Variants in HECW2 observed in about 807,000 individuals in gnomAD.
HECW2 encodes HECT, C2 and WW domain containing E3 ubiquitin protein ligase 2.
HECW2 carries 61 observed loss-of-function variants against 175.2 expected under a neutral mutation model. That is an observed-to-expected ratio of 0.35 (90% CI 0.28 to 0.43). The LOEUF is 0.43. HECW2 is among the 20% of genes least tolerant of loss of function. The pLI is 1.00. For synonymous variants in HECW2, 671 were observed against 731.0 expected, an observed-to-expected ratio of 0.92 and a Z score of 1.32; for missense variants, 1,524 against 2,000.5, an observed-to-expected ratio of 0.76 and a Z score of 4.54.
At chr2:196,412,301 T>C (rs903763078) in intron 2 of HECW2, among the ~76,000 whole-genome samples, 1 of 152,228 alleles carries the variant, frequency 6.6e-6, no homozygotes, top group African/African-American at 2.4e-5. Context: ...ACCGTCTTCA[T>C]GTCACATGCT....
chr2:196,416,095 AAATATTTT>A (rs1275830937), intron 2 of HECW2, among the ~76,000 whole-genome samples: 1 of 152,250 alleles, frequency 6.6e-6, no homozygotes, highest in Non-Finnish European at 1.5e-5. Context: ...AATTATGCTG[AAATATTTT>A]AGCTTATAGA....
chr2:196,452,328 C>T (rs1696372685), intron 1 of HECW2, among the ~76,000 whole-genome samples: 1 of 152,104 alleles, frequency 6.6e-6, no homozygotes, highest in Non-Finnish European at 1.5e-5. Flanking sequence ...ATAATACATA[C>T]TATTAAAATT....
At chr2:196,481,700 T>C (rs576038170) in intron 1 of HECW2, among the ~76,000 whole-genome samples, 100 of 152,280 alleles carry the variant, frequency 6.6e-4, no homozygotes, top group African/African-American at 2.3e-3. Flanking sequence ...AAAATAACTA[T>C]CACAAGAATC....
chr2:196,436,379 C>A lies in HECW2; in HGVS notation c.-35-2921G>T, dbSNP rs148428622. On this transcript the variant is annotated intron_variant, in intron 1 of 28. Coordinates refer to ENST00000644978, the MANE Select transcript of HECW2 (RefSeq NM_001348768.2). ...TTGCACCACTGGACTCCAGTCTGGG[C>A]GACAGAGCGAGACTCCATCTCAAAA... Among the ~76,000 whole-genome samples, 58 of 130,738 alleles carry A rather than the reference C, an allele frequency of 4.4e-4. 1 individual carries two copies. The highest frequency in any genetic ancestry group is 1.5e-3 in the African/African-American group (52 of 34,368). The allele number at this position is 130,738 out of a possible 152,430, so 85.8% of individuals were successfully genotyped here.
chr2:196,367,369 T>C (rs1356223166), intron 2 of HECW2, among the ~76,000 whole-genome samples: 1 of 152,200 alleles, frequency 6.6e-6, no homozygotes, highest in African/African-American at 2.4e-5. Context: ...GGGTACATGG[T>C]AGGTGCCTAT....
At chr2:196,535,546 C>A (rs1688992633) in intron 1 of HECW2, among the ~76,000 whole-genome samples, 1 of 152,126 alleles carries the variant, frequency 6.6e-6, no homozygotes, top group Admixed American at 6.5e-5. Context: ...GCACTTAGAT[C>A]CTGTAAGTGA....
chr2:196,443,956 G>T (rs1039419134), intron 1 of HECW2, among the ~76,000 whole-genome samples: 2 of 152,184 alleles, frequency 1.3e-5, no homozygotes, highest in Non-Finnish European at 2.9e-5. Flanking sequence ...GATCGCTTGA[G>T]CCTGAGAGGT....
At chr2:196,537,924 T>C (rs1167411458) in intron 1 of HECW2, among the ~76,000 whole-genome samples, 2 of 152,216 alleles carry the variant, frequency 1.3e-5, no homozygotes, top group Non-Finnish European at 1.5e-5. Context: ...CCTCCTACTC[T>C]GTCTGTGGAG....
At chr2:196,360,634 A>G (rs531159604) in intron 2 of HECW2, among the ~76,000 whole-genome samples, 2 of 152,134 alleles carry the variant, frequency 1.3e-5, no homozygotes, top group Non-Finnish European at 2.9e-5. Context: ...CTCTTCAACA[A>G]ACTCCTGTGA....
intron 14 of HECW2, among the ~76,000 whole-genome samples, chr2:196,280,751 G>T (rs1690154159): frequency 6.6e-6 from 1 of 152,138 alleles, no homozygotes; most frequent in African/African-American, 2.4e-5. Flanking sequence ...GTCCCATTTG[G>T]TTTGTGCTTC....
chr2:196,434,233 T>G (rs181796147), intron 1 of HECW2, among the ~76,000 whole-genome samples: 1 of 152,342 alleles, frequency 6.6e-6, no homozygotes, highest in East Asian at 1.9e-4. Flanking sequence ...GATAAATATT[T>G]GTTAAATAAC....
intron 13 of HECW2, among the ~76,000 whole-genome samples, chr2:196,305,239 T>G (rs2105701719): frequency 6.6e-6 from 1 of 152,284 alleles, no homozygotes; most frequent in Middle Eastern, 3.4e-3. Flanking sequence ...ATCAACAAAC[T>G]TGCGAAGCTG....
intron 17 of HECW2, 46 bp from the exon 18 acceptor site, chr2:196,257,952 A>C (rs1575309067): frequency 7.3e-7 from 1 of 1,370,076 alleles, no homozygotes. Context: ...GTAGACCTTT[A>C]GGCTATAACT....
chr2:196,259,440 GACAA>G (rs1348741642), intron 17 of HECW2, among the ~76,000 whole-genome samples: 3 of 152,216 alleles, frequency 2.0e-5, no homozygotes, highest in Non-Finnish European at 2.9e-5. Flanking sequence ...TATGAGGTAT[GACAA>G]ACAGAGTTCA....
chr2:196,253,888 G>C, intron 19 of HECW2, 32 bp downstream of exon 19: 4 of 1,600,266 alleles, frequency 2.5e-6, no homozygotes, highest in Non-Finnish European at 3.4e-6. Context: ...TCACTCCTCA[G>C]AGAATTCACT....
chr2:196,565,883 A>C (rs993545323), intron 1 of HECW2, among the ~76,000 whole-genome samples: 1 of 152,202 alleles, frequency 6.6e-6, no homozygotes. Context: ...TACTTTCCCT[A>C]CTTTCAAACT....
intron 2 of HECW2, among the ~76,000 whole-genome samples, chr2:196,345,142 A>G (rs1320855576): frequency 6.6e-6 from 1 of 152,252 alleles, no homozygotes; most frequent in Non-Finnish European, 1.5e-5. Context: ...ATGGCATCAC[A>G]TCCTCTCCTA....
chr2:196,267,812 A>G (rs1279017283), intron 17 of HECW2, among the ~76,000 whole-genome samples: 2 of 152,236 alleles, frequency 1.3e-5, no homozygotes, highest in Non-Finnish European at 2.9e-5. Context: ...ACCTACTTCA[A>G]TCTCTCAAGG....
At chr2:196,281,642 T>TAA (rs1276342965) in intron 14 of HECW2, among the ~76,000 whole-genome samples, 1 of 2,136 alleles carries the variant, frequency 4.7e-4, no homozygotes, top group Non-Finnish European at 7.8e-4. Flanking sequence ...AGACCCCGTC[T>TAA]CAAAAAAAAA....
Sources: allele counts gnomAD v4.1 joint callset (sites outside exome capture counted in the v4.1 genomes callset), GRCh38; gene constraint gnomAD v4.1.1; transcripts MANE v1.5; gene names NCBI Gene and HGNC (gene_info 2026-07-23, HGNC 2026-07-21).